PXMP4: variants seen among roughly 807,000 people sequenced by gnomAD.
The protein encoded by PXMP4 is peroxisomal membrane protein 4.
A neutral mutation model predicts 21.6 loss-of-function variants in PXMP4; 16 were observed. That is an observed-to-expected ratio of 0.74 (90% CI 0.50 to 1.13). The LOEUF is 1.13. Among genes scored for constraint, PXMP4 ranks in the 50% most tolerant of loss-of-function variants. The probability of loss-of-function intolerance (pLI) is 0.00; values close to 1 mark genes in which losing one functional copy is unlikely to be tolerated. For synonymous variants in PXMP4, 127 were observed against 123.8 expected, an observed-to-expected ratio of 1.03 and a Z score of -0.17; for missense variants, 240 against 277.7, an observed-to-expected ratio of 0.86 and a Z score of 0.96.
At chr20:33,719,014 G>C (rs541028213) in intron 1 of PXMP4, among the ~76,000 whole-genome samples, 181 of 151,972 alleles carry the variant, frequency 1.2e-3, no homozygotes, top group African/African-American at 4.2e-3. Flanking sequence ...TCCTGCCTCA[G>C]CCTCCCATGT....
intron 1 of PXMP4, among the ~76,000 whole-genome samples, chr20:33,716,923 C>A (rs950281163): frequency 2.0e-5 from 3 of 152,122 alleles, no homozygotes; most frequent in African/African-American, 2.4e-5. Flanking sequence ...TATAAAAAGG[C>A]TGGCACTTTG....
intron 3 of PXMP4, 103 bp from the exon 4 acceptor site, chr20:33,708,072 G>T: frequency 7.6e-7 from 1 of 1,314,430 alleles, no homozygotes; most frequent in South Asian, 1.6e-5. Context: ...TTCTTAGAGA[G>T]CCTGGCTAGG....
intron 2 of PXMP4, among the ~76,000 whole-genome samples, chr20:33,712,755 C>T (rs989511056): frequency 5.3e-5 from 8 of 152,188 alleles, no homozygotes; most frequent in East Asian, 3.9e-4. Context: ...CTCAGCCTCC[C>T]GAGTAGCTGG....
intron 3 of PXMP4, among the ~76,000 whole-genome samples, chr20:33,709,864 C>G (rs1166457513): frequency 3.4e-5 from 4 of 119,362 alleles, no homozygotes; most frequent in Non-Finnish European, 7.0e-5. Flanking sequence ...CACCTCTACA[C>G]GGAACCAGGC....
intron 1 of PXMP4, among the ~76,000 whole-genome samples, chr20:33,718,727 A>G (rs2018413189): frequency 1.3e-5 from 2 of 152,050 alleles, no homozygotes; most frequent in Non-Finnish European, 2.9e-5. Context: ...GCCACGAGCA[A>G]TGGGTCTACC....
At chr20:33,718,882 TG>T (rs527755730) in intron 1 of PXMP4, among the ~76,000 whole-genome samples, 185 of 152,336 alleles carry the variant, frequency 1.2e-3, no homozygotes, top group African/African-American at 4.3e-3. Flanking sequence ...GATAAAGTTA[TG>T]GCCTCATGAA....
intron 1 of PXMP4, among the ~76,000 whole-genome samples, chr20:33,716,446 G>C (rs1299656218): frequency 1.3e-5 from 2 of 152,240 alleles, no homozygotes; most frequent in Admixed American, 1.3e-4. Flanking sequence ...TCAGCCTTCC[G>C]GTCTCAGCTG....
rs1378564512 is a variant in PXMP4 at position 33,703,292 on chromosome 20, T to C, written c.*4414A>G. The stretch of plus-strand genomic sequence containing the variant: ...ATGCTCTTAGAAATAACAGCATTTA[T>C]TGGGGACTCACTTTAACTGTGTCAT... On this transcript the variant is annotated 3_prime_UTR_variant, in exon 4 of 4. Transcript: ENST00000409299. 1 of 152,240 alleles carries C rather than the reference T, an allele frequency of 6.6e-6. No individual in the cohort carries two copies. 9.4% of individuals were successfully genotyped at this position (152,240 alleles called of 1,614,324 possible).
At chr20:33,718,510 C>CAAA (rs34706596) in intron 1 of PXMP4, among the ~76,000 whole-genome samples, 11 of 54,786 alleles carry the variant, frequency 2.0e-4, no homozygotes, top group Non-Finnish European at 3.3e-4. Context: ...CACTCCATCT[C>CAAA]AAAAAAAAAA....
chr20:33,708,182 A>ATTT (rs553959918), intron 3 of PXMP4, among the ~76,000 whole-genome samples: 1 of 137,148 alleles, frequency 7.3e-6, no homozygotes, highest in Admixed American at 7.3e-5. Flanking sequence ...TTCTGTACTA[A>ATTT]TTTTTTTTTT....
rs1263305779 is a variant in PXMP4 at position 33,704,996 on chromosome 20, T to TG, written c.*2709_*2710insC. On this transcript the variant is annotated 3_prime_UTR_variant, in exon 4 of 4. Transcript: ENST00000409299. ...TTGATTTGTCCAGGATTGTGTTTTTTTTTTTTTTTTTTTTTTTGAGACAGA... is the reference window on the plus strand; with the variant it reads ...TTGATTTGTCCAGGATTGTGTTTTTTGTTTTTTTTTTTTTTTTTGAGACAGA... 6.9e-6 allele frequency: 1 copy of TG among 145,418 alleles called. No homozygotes were observed. Among genetic ancestry groups the TG allele is most frequent in the Non-Finnish European group, 1.5e-5 (1 of 66,182 alleles). 9.0% of individuals were successfully genotyped at this position (145,418 alleles called of 1,614,324 possible). A position where few individuals can be genotyped will look rare whatever the true frequency, so the allele number is the denominator to read the frequency against.
intron 2 of PXMP4, among the ~76,000 whole-genome samples, chr20:33,711,669 C>G (rs7346337): frequency 0.15 from 22,591 of 151,776 alleles, 2,330 homozygotes; most frequent in East Asian, 0.5. Flanking sequence ...CCAGCCTGGA[C>G]GACAGAGACT....
rs3838023 is a variant in PXMP4 at position 33,714,515 on chromosome 20, T to TCAACAA, written c.176+153_176+158dup. 6.7e-4 allele frequency among the ~76,000 whole-genome samples: 101 copies of TCAACAA among 150,776 alleles called. 2 individuals carry two copies. Among genetic ancestry groups the TCAACAA allele is most frequent in the South Asian group, 4.9e-3 (23 of 4,672 alleles). On this transcript the variant is annotated intron_variant, in intron 2 of 3. Coordinates refer to ENST00000409299, the MANE Select transcript of PXMP4 (RefSeq NM_007238.5). ...CTGGGTGACAGAGAGAGACTCCATC[T>TCAACAA]CAACAACAACAACAACAACAACAAC...
intron 2 of PXMP4, among the ~76,000 whole-genome samples, chr20:33,711,333 G>A (rs1013314798): frequency 2.6e-5 from 4 of 152,104 alleles, no homozygotes; most frequent in African/African-American, 4.8e-5. Flanking sequence ...GGATCTTCCC[G>A]ATGAGGAGGT....
At chr20:33,714,451 G>A (rs958623704) in intron 2 of PXMP4, among the ~76,000 whole-genome samples, 8 of 150,448 alleles carry the variant, frequency 5.3e-5, no homozygotes, top group African/African-American at 2.0e-4. Flanking sequence ...CCCCAGAGGC[G>A]GAGGTTGCAG....
In PXMP4 at chr20:33,706,921, C is replaced by G. The variant is rs575429798; in HGVS notation, c.*785G>C. ...CACCTTTTTTTTTTCTTTGGTGAGA[C>G]AGGGTCTCACTGTCGCCCAGGCTGG... On this transcript the variant is annotated 3_prime_UTR_variant, in exon 4 of 4. Transcript: ENST00000409299. 5 of 151,356 alleles carry G rather than the reference C, an allele frequency of 3.3e-5. No individual in the cohort carries two copies. The highest frequency in any genetic ancestry group is 1.2e-4 in the African/African-American group (5 of 41,174). 9.4% of individuals were successfully genotyped at this position (151,356 alleles called of 1,614,324 possible). A position where few individuals can be genotyped will look rare whatever the true frequency, so the allele number is the denominator to read the frequency against.
chr20:33,710,132 C>A (rs1315387817), intron 3 of PXMP4, among the ~76,000 whole-genome samples: 1 of 146,368 alleles, frequency 6.8e-6, no homozygotes, highest in Non-Finnish European at 1.5e-5. Context: ...CGCCCTTCCC[C>A]CACTCCCACC....
chr20:33,714,864 T>C, intron 1 of PXMP4, 128 bp from the exon 2 acceptor site: 1 of 888,626 alleles, frequency 1.1e-6, no homozygotes, highest in East Asian at 2.5e-5. Context: ...GGGGAAATCA[T>C]GCTGGATGCA....
Position 33,703,522 on chromosome 20 carries a change from G to C in PXMP4, c.*4184C>G, listed in dbSNP as rs1029127908. On this transcript the variant is annotated 3_prime_UTR_variant, in exon 4 of 4. Coordinates refer to ENST00000409299, the MANE Select transcript of PXMP4 (RefSeq NM_007238.5). The stretch of plus-strand genomic sequence containing the variant: ...CTCTCAACCTGCTGTACAGAGGCCA[G>C]TTTTAGTTTGGGTTCCCCCAATAGC... The C allele has an allele frequency of 1.3e-5, 2 of 152,294 alleles. No homozygotes were observed. The highest frequency in any genetic ancestry group is 2.9e-5 in the Non-Finnish European group (2 of 68,084). The allele number at this position is 152,294 out of a possible 1,614,324, so 9.4% of individuals were successfully genotyped here.
Sources: gnomAD v4.1 joint callset for allele counts (sites outside exome capture counted in the v4.1 genomes callset) on GRCh38, gnomAD v4.1.1 for gene constraint, MANE v1.5 for transcripts, NCBI Gene and HGNC (gene_info 2026-07-23, HGNC 2026-07-21) for gene names.